Variants in FRRS1 observed in about 807,000 individuals in gnomAD.
FRRS1 encodes ferric chelate reductase 1, also known as ferric reductase 1.
In FRRS1, 51 loss-of-function variants were observed where a neutral mutation model predicts 70.7. That is an observed-to-expected ratio of 0.72 (90% CI 0.58 to 0.91). The LOEUF (loss-of-function observed/expected upper bound fraction) is 0.91. Ranked by LOEUF, FRRS1 falls within the 40% of genes least tolerant of loss-of-function variation. The pLI, the probability that FRRS1 is intolerant of heterozygous loss-of-function variation, is 0.00. For synonymous variants in FRRS1, 225 were observed against 238.7 expected (o/e 0.94, Z 0.53); for missense variants, 672 against 726.0 (o/e 0.93, Z 0.86).
chr1:99,719,280 G>A (rs1259735540), intron 10 of FRRS1, among the ~76,000 whole-genome samples: 1 of 151,862 alleles, frequency 6.6e-6, no homozygotes, highest in Admixed American at 6.6e-5. Context: ...GCAGTGGCAG[G>A]CTCCTGTAAT....
intron 14 of FRRS1, chr1:99,711,331 G>A (rs377644210): frequency 1.5e-4 from 25 of 171,490 alleles, no homozygotes; most frequent in East Asian, 3.1e-4. Context: ...CTTTATGTCC[G>A]TGTGTACTCA....
At chr1:99,734,929 G>C (rs1353544210) in intron 7 of FRRS1, among the ~76,000 whole-genome samples, 1 of 152,192 alleles carries the variant, frequency 6.6e-6, no homozygotes, top group Non-Finnish European at 1.5e-5. Context: ...TTGGGGCATG[G>C]AGAGATCATG....
chr1:99,724,728 A>G (rs1389588516), intron 9 of FRRS1, among the ~76,000 whole-genome samples: 1 of 152,088 alleles, frequency 6.6e-6, no homozygotes, highest in Non-Finnish European at 1.5e-5. Flanking sequence ...CATTCCCAGG[A>G]ATAGCAATCT....
chr1:99,709,386 T>C lies in FRRS1; in HGVS notation c.1625-127A>G, dbSNP rs1571087689. On this transcript the variant is annotated intron_variant, in intron 15 of 16. Transcript: ENST00000646001. ...TAGAAATTCTCCCACTCCAAACTAC[T>C]AATTATTGCAGACTTCCTGAACAAT... The C allele has an allele frequency of 2.1e-5, 14 of 654,112 alleles. No individual in the cohort carries two copies. In the East Asian group the frequency reaches 3.8e-4, roughly 18 times the overall value. 40.5% of individuals were successfully genotyped at this position (654,112 alleles called of 1,614,324 possible).
At chr1:99,755,778 A>G (rs561219675) in intron 1 of FRRS1, among the ~76,000 whole-genome samples, 144 of 152,318 alleles carry the variant, frequency 9.5e-4, no homozygotes, top group African/African-American at 3.3e-3. Flanking sequence ...AAAGTGGAAA[A>G]GCATATTGGG....
Position 99,760,187 on chromosome 1 carries a change from T to C in FRRS1, c.-106+6420A>G, listed in dbSNP as rs144162716. On this transcript the variant is annotated intron_variant, in intron 1 of 16. Transcript: ENST00000646001. ...ACAGCAAGTTGTCAGTAAGTGGTAATTGCCACTATTTATAATATCACTATT... is the reference window on the plus strand; with the variant it reads ...ACAGCAAGTTGTCAGTAAGTGGTAACTGCCACTATTTATAATATCACTATT... 7.7e-3 allele frequency among the ~76,000 whole-genome samples: 1,176 copies of C among 152,356 alleles called. 22 individuals carry two copies. The highest frequency in any genetic ancestry group is 0.027 in the African/African-American group (1,117 of 41,578).
At chr1:99,716,607 G>A (rs573832141) in intron 11 of FRRS1, among the ~76,000 whole-genome samples, 121 of 152,146 alleles carry the variant, frequency 8.0e-4, no homozygotes, top group Admixed American at 2.2e-3. Context: ...AATGAGGCTC[G>A]ATAAGGTAAA....
In FRRS1 at chr1:99,721,523, G is replaced by T. The variant is rs189583388; in HGVS notation, c.1007-1876C>A. 2.9e-3 allele frequency among the ~76,000 whole-genome samples: 440 copies of T among 152,138 alleles called. 2 individuals carry two copies. In the Middle Eastern group the frequency reaches 0.058, roughly 20 times the overall value. On this transcript the variant is annotated intron_variant, in intron 9 of 16. Coordinates refer to ENST00000646001, the MANE Select transcript of FRRS1 (RefSeq NM_001361041.2). The stretch of plus-strand genomic sequence containing the variant: ...AAATCTAAACAAAATAGGTGAATTT[G>T]GGGGGAGAAATACAGAATTACAAAA...
chr1:99,723,112 G>A (rs551303009), intron 9 of FRRS1, among the ~76,000 whole-genome samples: 16 of 152,174 alleles, frequency 1.1e-4, no homozygotes, highest in African/African-American at 3.4e-4. Context: ...ATGAAGATAT[G>A]TAGAAAACCA....
Position 99,708,885 on chromosome 1 carries a change from C to T in FRRS1, c.*143G>A, listed in dbSNP as rs757840417. 4.4e-6 allele frequency: 7 copies of T among 1,590,968 alleles called. No individual in the cohort carries two copies. In the South Asian group the frequency reaches 6.6e-5, roughly 15 times the overall value. On this transcript the variant is annotated 3_prime_UTR_variant, in exon 17 of 17. Transcript: ENST00000646001. ...TGAATGTTGTTCTCTAAAGGCTGGACTTCAGAATTCCTCTACAGACATGAC... is the reference window on the plus strand; with the variant it reads ...TGAATGTTGTTCTCTAAAGGCTGGATTTCAGAATTCCTCTACAGACATGAC...
chr1:99,740,812 A>C lies in FRRS1; in HGVS notation c.557T>G (p.Val186Gly). The C allele has an allele frequency of 6.2e-7, 1 of 1,611,740 alleles. No individual in the cohort carries two copies. Among genetic ancestry groups the C allele is most frequent in the Non-Finnish European group, 8.5e-7 (1 of 1,177,808 alleles). The change falls in exon 6 of 17, where the codon GTT becomes GGT. Residue 186 changes from valine (V) to glycine (G), a missense_variant. Transcript: ENST00000646001. Reference protein sequence around the residue: ...TVVPLPTLPPVSHLTKPFSAS... With the variant: ...TVVPLPTLPPGSHLTKPFSAS... ...ACTTACTGGTTTGGTTAAGTGGGAA[A>C]CGGGAGGTAACGTTGGCAAAGGTAC...
At chr1:99,725,745 T>C (rs149348698) in intron 9 of FRRS1, among the ~76,000 whole-genome samples, 1 of 152,198 alleles carries the variant, frequency 6.6e-6, no homozygotes, top group African/African-American at 2.4e-5. Flanking sequence ...GTGTTAGAAC[T>C]ATCACTTAAA....
chr1:99,736,346 A>T lies in FRRS1; in HGVS notation c.759+1740T>A, dbSNP rs75397487. Reference sequence around the variant, plus strand: ...GAAGGGGAAGGATTCATTATTTCTTATATGTTATTTTTTTAAGTACATGGT... The same window carrying T: ...GAAGGGGAAGGATTCATTATTTCTTTTATGTTATTTTTTTAAGTACATGGT... On this transcript the variant is annotated intron_variant, in intron 7 of 16. Coordinates refer to ENST00000646001, the MANE Select transcript of FRRS1 (RefSeq NM_001361041.2). Among the ~76,000 whole-genome samples the T allele has an allele frequency of 0.024, 3,701 of 152,186 alleles. 297 individuals are homozygous for T. In the East Asian group the frequency reaches 0.26, roughly 11 times the overall value.
chr1:99,707,585 C>T lies in FRRS1; in HGVS notation c.*1443G>A, dbSNP rs902906460. Among the ~76,000 whole-genome samples the T allele has an allele frequency of 3.9e-5, 6 of 152,050 alleles. No individual in the cohort carries two copies. Among genetic ancestry groups the T allele is most frequent in the African/African-American group, 1.4e-4 (6 of 41,388 alleles). ...CTAATTTAAGGTTTTAACCCTTACCCCAACCACCCAAAAAAAGTAGCCATT... is the reference window on the plus strand; with the variant it reads ...CTAATTTAAGGTTTTAACCCTTACCTCAACCACCCAAAAAAAGTAGCCATT... On this transcript the variant is annotated 3_prime_UTR_variant, in exon 17 of 17. Coordinates refer to ENST00000646001, the MANE Select transcript of FRRS1 (RefSeq NM_001361041.2).
In FRRS1 at chr1:99,738,235, A is replaced by G. The variant is rs770021287; in HGVS notation, c.610T>C (p.Cys204Arg). 1.9e-6 allele frequency: 3 copies of G among 1,608,268 alleles called. No homozygotes were observed. Among genetic ancestry groups the G allele is most frequent in the Non-Finnish European group, 2.5e-6 (3 of 1,177,886 alleles). ...SASDCGNKKF[C>R]IRSPLNCDPE... ...TCACAGTTCAAAGGACTCCTAATAC[A>G]GAACTTCTTGTTCCCACAATCTGAG... The change falls in exon 7 of 17, where the codon TGT becomes CGT. Residue 204 changes from cysteine to arginine, a missense_variant. Transcript: ENST00000646001.
At chr1:99,719,322 T>C (rs1654687041) in intron 10 of FRRS1, among the ~76,000 whole-genome samples, 1 of 143,208 alleles carries the variant, frequency 7.0e-6, no homozygotes, top group African/African-American at 2.7e-5. Context: ...GGCAGGAGAA[T>C]GGTGTGAACC....
chr1:99,729,773 A>G, intron 7 of FRRS1, 25 bp from the exon 8 acceptor site: 1 of 1,472,834 alleles, frequency 6.8e-7, no homozygotes, highest in Non-Finnish European at 9.5e-7. Flanking sequence ...CAAATGAGAA[A>G]AAAAGCTCAA....
chr1:99,763,475 T>A (rs909451497), intron 1 of FRRS1, among the ~76,000 whole-genome samples: 10 of 152,206 alleles, frequency 6.6e-5, no homozygotes, highest in African/African-American at 2.4e-4. Flanking sequence ...AGCACTCTCA[T>A]ACACAGGGAC....
intron 9 of FRRS1, among the ~76,000 whole-genome samples, chr1:99,721,604 T>TC (rs1654827856): frequency 6.6e-6 from 1 of 151,854 alleles, no homozygotes; most frequent in East Asian, 1.9e-4. Flanking sequence ...AATTCTTTTT[T>TC]TTTTTTTTTC....
Sources: gnomAD v4.1 joint callset for allele counts (sites outside exome capture counted in the v4.1 genomes callset) on GRCh38, gnomAD v4.1.1 for gene constraint, MANE v1.5 for transcripts, NCBI Gene and HGNC (gene_info 2026-07-23, HGNC 2026-07-21) for gene names.